Variants in CSMD1 observed in about 807,000 individuals in gnomAD.
CSMD1 encodes the protein CUB and sushi domain-containing protein 1.
CSMD1 carries 213 observed loss-of-function variants against 417.5 expected under a neutral mutation model. The observed-to-expected ratio is 0.51, with a 90% CI of 0.46 to 0.57. The LOEUF (loss-of-function observed/expected upper bound fraction) is 0.57. Ranked by LOEUF, CSMD1 falls within the 20% of genes least tolerant of loss-of-function variation. CSMD1 has a pLI of 0.00. For synonymous variants in CSMD1, 2,862 were observed against 1,736.8 expected, an observed-to-expected ratio of 1.65 and a Z score of -16.11; for missense variants, 6,923 against 4,529.7, an observed-to-expected ratio of 1.53 and a Z score of -15.17.
At chr8:3,801,129 A>G (rs1011771914) in intron 5 of CSMD1, among the ~76,000 whole-genome samples, 4 of 152,158 alleles carry the variant, frequency 2.6e-5, no homozygotes, top group Non-Finnish European at 4.4e-5. Context: ...TTTTACCGAC[A>G]TTAAAAATTT....
At chr8:3,942,253 A>C (rs1357756742) in intron 5 of CSMD1, among the ~76,000 whole-genome samples, 2 of 152,064 alleles carry the variant, frequency 1.3e-5, no homozygotes, top group Non-Finnish European at 2.9e-5. Context: ...TAATAGAAAT[A>C]AACTGCACCA....
rs543247177 is a variant in CSMD1, at chr8:3,924,662, T to C, written c.818+73241A>G. ...TCTGCTGTTTAAACACTTCTTTAATTTTTTCAGTGTAATCATTGTTCTCTT... is the reference window on the plus strand; with the variant it reads ...TCTGCTGTTTAAACACTTCTTTAATCTTTTCAGTGTAATCATTGTTCTCTT... On this transcript the variant is annotated intron_variant, in intron 5 of 69. Coordinates refer to ENST00000635120, the MANE Select transcript of CSMD1 (RefSeq NM_033225.6). Among the ~76,000 whole-genome samples the C allele has an allele frequency of 1.2e-4, 19 of 152,300 alleles. 1 individual carries two copies. In the South Asian group the frequency reaches 3.9e-3, roughly 32 times the overall value.
chr8:4,373,153 G>C (rs149099395), intron 3 of CSMD1, among the ~76,000 whole-genome samples: 105 of 152,256 alleles, frequency 6.9e-4, no homozygotes, highest in Middle Eastern at 6.8e-3. Flanking sequence ...CTAGGGAGGA[G>C]CAACCCATGA....
intron 5 of CSMD1, among the ~76,000 whole-genome samples, chr8:3,906,013 T>C (rs114165983): frequency 2.6e-5 from 4 of 152,198 alleles, no homozygotes; most frequent in African/African-American, 9.6e-5. Context: ...GGAGTTCTTT[T>C]TATTTTCCCC....
intron 5 of CSMD1, among the ~76,000 whole-genome samples, chr8:3,825,240 C>T (rs1563118080): frequency 6.6e-6 from 1 of 152,020 alleles, no homozygotes; most frequent in Admixed American, 6.6e-5. Context: ...CATCAAGAGC[C>T]CTTGAGAGGC....
At chr8:4,728,791 C>G (rs1344065336) in intron 1 of CSMD1, among the ~76,000 whole-genome samples, 1 of 151,590 alleles carries the variant, frequency 6.6e-6, no homozygotes, top group Non-Finnish European at 1.5e-5. Context: ...CTGCTGCCAC[C>G]TAAAAAACTC....
intron 3 of CSMD1, among the ~76,000 whole-genome samples, chr8:4,145,811 G>T (rs1252948955): frequency 6.6e-6 from 1 of 151,174 alleles, no homozygotes; most frequent in East Asian, 1.9e-4. Context: ...TATGAGGAAT[G>T]CAAGGGTTGG....
intron 5 of CSMD1, among the ~76,000 whole-genome samples, chr8:3,941,586 C>T (rs1338494737): frequency 6.6e-6 from 1 of 152,058 alleles, no homozygotes; most frequent in African/African-American, 2.4e-5. Context: ...CTACACATTT[C>T]TATTAATAAT....
chr8:4,153,483 G>C (rs1796674739), intron 3 of CSMD1, among the ~76,000 whole-genome samples: 1 of 152,320 alleles, frequency 6.6e-6, no homozygotes, highest in Non-Finnish European at 1.5e-5. Context: ...CTGCTTCCCA[G>C]TCTTTCTGAC....
chr8:4,736,089 T>C (rs548722902), intron 1 of CSMD1, among the ~76,000 whole-genome samples: 17 of 152,202 alleles, frequency 1.1e-4, no homozygotes, highest in African/African-American at 3.1e-4. Flanking sequence ...CTGATTTTCA[T>C]TGGAAAGCTT....
At chr8:3,891,050 T>A (rs35592609) in intron 5 of CSMD1, among the ~76,000 whole-genome samples, 1 of 151,728 alleles carries the variant, frequency 6.6e-6, no homozygotes, top group South Asian at 2.1e-4. Flanking sequence ...TTTTTTTTTG[T>A]TTTATTTTAT....
chr8:4,430,711 A>T (rs536854100), intron 2 of CSMD1, among the ~76,000 whole-genome samples: 1 of 152,246 alleles, frequency 6.6e-6, no homozygotes, highest in African/African-American at 2.4e-5. Flanking sequence ...CAAAAAATCT[A>T]AAGAGATTTT....
Position 3,729,922 on chromosome 8 carries a change from T to TAAAAAAA in CSMD1, c.932-21438_932-21432dup, listed in dbSNP as rs1160679199. 8.1e-4 allele frequency among the ~76,000 whole-genome samples: 38 copies of TAAAAAAA among 47,050 alleles called. 2 individuals are homozygous for TAAAAAAA. The highest frequency in any genetic ancestry group is 4.4e-3 in the African/African-American group (32 of 7,306). The allele number at this position is 47,050 out of a possible 152,430, so 30.9% of individuals were successfully genotyped here. A position where few individuals can be genotyped will look rare whatever the true frequency, so the allele number is the denominator to read the frequency against. On this transcript the variant is annotated intron_variant, in intron 6 of 69. Coordinates refer to ENST00000635120, the MANE Select transcript of CSMD1 (RefSeq NM_033225.6). ...AGAATTATTATTTGCCAATTCAAAGTAAAAAAAAAAAAAAAAAAAAAAAAA... is the reference window on the plus strand; with the variant it reads ...AGAATTATTATTTGCCAATTCAAAGTAAAAAAAAAAAAAAAAAAAAAAAAAAAAAAAA...
intron 1 of CSMD1, among the ~76,000 whole-genome samples, chr8:4,774,328 G>A: frequency 6.6e-6 from 1 of 152,130 alleles, no homozygotes; most frequent in East Asian, 1.9e-4. Flanking sequence ...TTGAGGGCAG[G>A]TCTCTCAAAA....
chr8:4,367,284 C>T (rs1256764258), intron 3 of CSMD1, among the ~76,000 whole-genome samples: 1 of 152,140 alleles, frequency 6.6e-6, no homozygotes, highest in African/African-American at 2.4e-5. Context: ...TGAGTCTAGA[C>T]AGTTTTCCCA....
intron 25 of CSMD1, among the ~76,000 whole-genome samples, chr8:3,306,703 T>C (rs116537278): frequency 0.028 from 4,337 of 152,232 alleles, 143 homozygotes; most frequent in East Asian, 0.077. Flanking sequence ...TTAAAAAGGA[T>C]TGGTTAGGAC....
chr8:3,974,239 T>C (rs1040064619), intron 5 of CSMD1, among the ~76,000 whole-genome samples: 1 of 150,770 alleles, frequency 6.6e-6, no homozygotes, highest in South Asian at 2.1e-4. Flanking sequence ...TTTTAAATAA[T>C]ATAATTATCT....
At chr8:3,303,980 C>T (rs1289494613) in intron 25 of CSMD1, among the ~76,000 whole-genome samples, 1 of 151,562 alleles carries the variant, frequency 6.6e-6, no homozygotes, top group South Asian at 2.1e-4. Context: ...TATTCGATTA[C>T]CTCAAACAAA....
intron 3 of CSMD1, among the ~76,000 whole-genome samples, chr8:4,306,432 T>A (rs1251448840): frequency 6.6e-6 from 1 of 152,150 alleles, no homozygotes; most frequent in African/African-American, 2.4e-5. Flanking sequence ...TCGTGAAAGT[T>A]CAATTGATAA....
Sources: gnomAD v4.1 joint callset for allele counts (sites outside exome capture counted in the v4.1 genomes callset) on GRCh38, gnomAD v4.1.1 for gene constraint, MANE v1.5 for transcripts, NCBI Gene and HGNC (gene_info 2026-07-23, HGNC 2026-07-21) for gene names.